Variants in COL19A1 observed in about 807,000 individuals in gnomAD.
COL19A1 encodes collagen type XIX alpha 1 chain.
In COL19A1, 159 loss-of-function variants were observed where a neutral mutation model predicts 190.2. The ratio of observed to expected loss-of-function variants is 0.84; its 90% CI spans 0.73 to 0.95. The LOEUF (loss-of-function observed/expected upper bound fraction) is 0.95. Ranked by LOEUF, COL19A1 falls within the 40% of genes least tolerant of loss-of-function variation. COL19A1 has a pLI of 0.00. For missense variants in COL19A1, 1,418 were observed against 1,431.9 expected (o/e 0.99, Z 0.16); for synonymous variants, 509 against 458.9 (o/e 1.11, Z -1.39).
chr6:70,152,761 T>C (rs1439229707), intron 31 of COL19A1, among the ~76,000 whole-genome samples: 1 of 152,152 alleles, frequency 6.6e-6, no homozygotes, highest in Non-Finnish European at 1.5e-5. Flanking sequence ...AGACATTAAG[T>C]CCTAGATTCT....
At chr6:70,142,539 C>CGA (rs1786327008) in intron 22 of COL19A1, among the ~76,000 whole-genome samples, 2 of 152,102 alleles carry the variant, frequency 1.3e-5, no homozygotes, top group Non-Finnish European at 2.9e-5. Context: ...GGCAAGTTAC[C>CGA]AGGTATCACC....
rs375904926 is a variant in COL19A1 at position 69,908,262 on chromosome 6, CT to C, written c.266+7927del. On this transcript the variant is annotated intron_variant, in intron 4 of 50. Coordinates refer to ENST00000620364, the MANE Select transcript of COL19A1 (RefSeq NM_001858.6). ...CTTGCTGAGTGTTTTAGAAGGATTA[CT>C]TTACAATTCCATTAAGCTCTAGAGA... 2.4e-3 allele frequency among the ~76,000 whole-genome samples: 367 copies of C among 152,308 alleles called. 3 individuals carry two copies. Among genetic ancestry groups the C allele is most frequent in the African/African-American group, 8.5e-3 (352 of 41,568 alleles).
intron 9 of COL19A1, among the ~76,000 whole-genome samples, chr6:69,948,911 A>G (rs1773971516): frequency 6.6e-6 from 1 of 151,852 alleles, no homozygotes; most frequent in Non-Finnish European, 1.5e-5. Flanking sequence ...CCATTTGGTC[A>G]AAATGGTGAC....
At chr6:70,028,362 T>C (rs1778839935) in intron 12 of COL19A1, among the ~76,000 whole-genome samples, 1 of 152,152 alleles carries the variant, frequency 6.6e-6, no homozygotes. Context: ...AGGTGAAGGC[T>C]GGACCTCCAC....
rs141239784 is a variant in COL19A1 at position 69,915,692 on chromosome 6, T to C, written c.267-12217T>C. Among the ~76,000 whole-genome samples the C allele has an allele frequency of 9.1e-4, 139 of 152,312 alleles. 3 individuals carry two copies. The East Asian group carries it at 0.024, about 26-fold the overall frequency. ...TCTTTCTTTCCATCATCATTTGAGA[T>C]AGTCACATGATCATTATTTTCACGT... On this transcript the variant is annotated intron_variant, in intron 4 of 50. Transcript: ENST00000620364.
intron 49 of COL19A1, among the ~76,000 whole-genome samples, chr6:70,204,594 G>A (rs13208888): frequency 0.02 from 3,108 of 152,252 alleles, 47 homozygotes; most frequent in Non-Finnish European, 0.03. Flanking sequence ...GAACCGAAAT[G>A]CATGCAGAAT....
Position 70,064,858 on chromosome 6 carries a change from T to G in COL19A1, c.1171-3565T>G, listed in dbSNP as rs919154486. On this transcript the variant is annotated intron_variant, in intron 14 of 50. Transcript: ENST00000620364. ...ATCATGAGTGAACTCCCATTCACAA[T>G]TGCTTCAAACAGAATAAAATACCTA... Among the ~76,000 whole-genome samples the G allele has an allele frequency of 3.9e-5, 6 of 152,226 alleles. No individual in the cohort carries two copies. The East Asian group carries it at 1.2e-3, about 29-fold the overall frequency.
At chr6:70,187,035 G>T (rs537995528) in intron 46 of COL19A1, among the ~76,000 whole-genome samples, 1 of 152,000 alleles carries the variant, frequency 6.6e-6, no homozygotes, top group South Asian at 2.1e-4. Flanking sequence ...GTGCCACCAC[G>T]CCTGGCTAAT....
intron 4 of COL19A1, among the ~76,000 whole-genome samples, chr6:69,924,873 A>G (rs1042079757): frequency 5.9e-5 from 9 of 152,182 alleles, no homozygotes; most frequent in Admixed American, 1.3e-4. Flanking sequence ...TGTTGGCCGC[A>G]TAAATGTCTT....
At chr6:69,964,727 GA>G (rs1490087500) in intron 11 of COL19A1, among the ~76,000 whole-genome samples, 2 of 152,046 alleles carry the variant, frequency 1.3e-5, no homozygotes, top group South Asian at 4.1e-4. Context: ...AAATATATTA[GA>G]AAAAAATAAA....
At chr6:70,036,012 T>A in intron 14 of COL19A1, 73 bp downstream of exon 14, 1 of 1,379,518 alleles carries the variant, frequency 7.2e-7, no homozygotes, top group Non-Finnish European at 1.0e-6. Flanking sequence ...ACATCATGAC[T>A]AAACCAGAAT....
intron 19 of COL19A1, among the ~76,000 whole-genome samples, chr6:70,138,263 T>A (rs140338180): frequency 1.3e-3 from 201 of 152,320 alleles, no homozygotes; most frequent in African/African-American, 3.6e-3. Context: ...TTGATTTTTG[T>A]ATGATCAAAG....
chr6:70,059,481 A>G (rs539066227), intron 14 of COL19A1, among the ~76,000 whole-genome samples: 1 of 152,298 alleles, frequency 6.6e-6, no homozygotes, highest in South Asian at 2.1e-4. Flanking sequence ...TTCTCAGTTA[A>G]ATATTTACAT....
intron 9 of COL19A1, among the ~76,000 whole-genome samples, chr6:69,946,640 T>C (rs1432666688): frequency 6.6e-6 from 1 of 151,888 alleles, no homozygotes; most frequent in African/African-American, 2.4e-5. Flanking sequence ...AAGAGGTAGA[T>C]TCACTTTGAC....
intron 17 of COL19A1, among the ~76,000 whole-genome samples, chr6:70,123,535 A>G (rs1202831526): frequency 1.5e-5 from 2 of 137,906 alleles, no homozygotes; most frequent in African/African-American, 5.8e-5. Context: ...ATTATTCACA[A>G]TAGCAAAGAC....
rs144643648 is a variant in COL19A1, at chr6:70,156,936, C to A, written c.2292+213C>A. Among the ~76,000 whole-genome samples the A allele has an allele frequency of 2.3e-3, 347 of 152,108 alleles. 2 individuals are homozygous for A. Among genetic ancestry groups the A allele is most frequent in the African/African-American group, 8.0e-3 (333 of 41,514 alleles). On this transcript the variant is annotated intron_variant, in intron 34 of 50. Transcript: ENST00000620364. ...GGTTTTAGAGACAAGGAAATTAAGG[C>A]ACAAAGTTAATATGTCAGTTATAAT...
intron 30 of COL19A1, among the ~76,000 whole-genome samples, chr6:70,150,552 A>T (rs1430177162): frequency 6.6e-6 from 1 of 152,068 alleles, no homozygotes; most frequent in Admixed American, 6.6e-5. Context: ...TTTAGGTTAA[A>T]CCTTGCTTTG....
At chr6:70,205,931 C>A (rs1036785387) in intron 49 of COL19A1, among the ~76,000 whole-genome samples, 2 of 152,194 alleles carry the variant, frequency 1.3e-5, no homozygotes, top group African/African-American at 4.8e-5. Context: ...CCTAGCTTTG[C>A]TGAAGCTCCT....
chr6:70,024,111 G>A (rs1041703394), intron 12 of COL19A1, among the ~76,000 whole-genome samples: 3 of 151,994 alleles, frequency 2.0e-5, no homozygotes, highest in Non-Finnish European at 2.9e-5. Context: ...AACTAACTCC[G>A]TATTGCTCCC....
Sources: allele counts gnomAD v4.1 joint callset (sites outside exome capture counted in the v4.1 genomes callset), GRCh38; gene constraint gnomAD v4.1.1; transcripts MANE v1.5; gene names NCBI Gene and HGNC (gene_info 2026-07-23, HGNC 2026-07-21).